The following SOX6 variants were observed in gnomAD, a reference collection of about 807,000 sequenced individuals.
SOX6 encodes SRY-box transcription factor 6.
In SOX6, 11 loss-of-function variants were observed where a neutral mutation model predicts 97.8. That is an observed-to-expected ratio of 0.11 (90% confidence interval 0.07 to 0.19). The LOEUF is 0.19. Among genes scored for constraint, SOX6 ranks in the 10% least tolerant of loss-of-function variants. SOX6 has a pLI of 1.00. For synonymous variants in SOX6, 360 were observed against 371.4 expected (o/e 0.97, Z 0.35); for missense variants, 810 against 1,039.5 (o/e 0.78, Z 3.04).
chr11:16,504,204 TCA>T (rs985387735), intron 4 of SOX6, among the ~76,000 whole-genome samples: 72 of 152,100 alleles, frequency 4.7e-4, no homozygotes, highest in Admixed American at 5.2e-4. Flanking sequence ...TGCCTACTTT[TCA>T]CCACTCCTAT....
At chr11:16,442,961 AT>A (rs1341847765) in intron 1 of SOX6, among the ~76,000 whole-genome samples, 1 of 152,060 alleles carries the variant, frequency 6.6e-6, no homozygotes, top group South Asian at 2.1e-4. Flanking sequence ...AATCACAAGA[AT>A]TTTTTTTCAG....
chr11:16,014,228 AAAAC>A (rs1434503089), intron 13 of SOX6, among the ~76,000 whole-genome samples: 21 of 152,166 alleles, frequency 1.4e-4, no homozygotes, highest in South Asian at 4.1e-4. Context: ...TTGTGCATTT[AAAAC>A]AAACAAACAA....
intron 4 of SOX6, among the ~76,000 whole-genome samples, chr11:16,190,125 A>G (rs1052008299): frequency 2.0e-5 from 3 of 152,232 alleles, no homozygotes; most frequent in Non-Finnish European, 4.4e-5. Context: ...ATAGATATAT[A>G]TAAGTATAAC....
At chr11:16,662,606 C>A (rs1847774004) in intron 3 of SOX6, among the ~76,000 whole-genome samples, 1 of 151,902 alleles carries the variant, frequency 6.6e-6, no homozygotes, top group Admixed American at 6.6e-5. Flanking sequence ...ATCAATGATA[C>A]CATATTAGCA....
chr11:16,412,442 A>AT (rs1247792705), intron 1 of SOX6, among the ~76,000 whole-genome samples: 1 of 152,202 alleles, frequency 6.6e-6, no homozygotes, highest in Non-Finnish European at 1.5e-5. Flanking sequence ...TGGGTAAGTG[A>AT]TAAAAAACCA....
intron 3 of SOX6, among the ~76,000 whole-genome samples, chr11:16,665,767 C>A (rs1587570): frequency 6.6e-6 from 1 of 152,008 alleles, no homozygotes; most frequent in African/African-American, 2.4e-5. Context: ...TAGGTTTGAC[C>A]CAGTGCAGTC....
chr11:16,033,031 C>G (rs1396930571), intron 12 of SOX6, among the ~76,000 whole-genome samples: 1 of 152,090 alleles, frequency 6.6e-6, no homozygotes, highest in African/African-American at 2.4e-5. Flanking sequence ...TGTCTGGTTC[C>G]TTTTCATGGA....
At position 16,436,798 on chromosome 11, in the gene SOX6, ACTGT is replaced by A. The variant is rs374510586; in HGVS notation, c.-5+39513_-5+39516del. 9.6e-4 allele frequency among the ~76,000 whole-genome samples: 146 copies of A among 152,296 alleles called. 1 individual carries two copies. Among genetic ancestry groups the A allele is most frequent in the African/African-American group, 3.5e-3 (144 of 41,554 alleles). The stretch of plus-strand genomic sequence containing the variant: ...TAAATGACACTTCGCTCTCATTTTA[ACTGT>A]CTGACATCTCCACATATTGCTATAT... On this transcript the variant is annotated intron_variant, in intron 1 of 15. Coordinates refer to the SOX6 transcript ENST00000396356.
chr11:16,196,298 T>G (rs1851772803), intron 4 of SOX6, among the ~76,000 whole-genome samples: 1 of 152,142 alleles, frequency 6.6e-6, no homozygotes. Flanking sequence ...TATCTGAGAT[T>G]CAAAATCAGA....
chr11:16,735,736 G>A (rs569074859), intron 2 of SOX6, among the ~76,000 whole-genome samples: 17 of 152,150 alleles, frequency 1.1e-4, no homozygotes, highest in African/African-American at 4.1e-4. Flanking sequence ...GAGGTCAATT[G>A]TAAAAATCAC....
intron 3 of SOX6, among the ~76,000 whole-genome samples, chr11:16,662,077 A>AT (rs1362069168): frequency 3.3e-5 from 5 of 152,056 alleles, no homozygotes; most frequent in South Asian, 2.1e-4. Context: ...AAAAGGTTTT[A>AT]TTTTTTTACC....
At chr11:16,171,109 C>T (rs564120207) in intron 6 of SOX6, among the ~76,000 whole-genome samples, 1 of 152,152 alleles carries the variant, frequency 6.6e-6, no homozygotes, top group East Asian at 1.9e-4. Flanking sequence ...CAAGGAGTTA[C>T]TCTAGCAAAG....
intron 7 of SOX6, among the ~76,000 whole-genome samples, chr11:16,109,368 C>T (rs1265885002): frequency 2.6e-5 from 4 of 151,888 alleles, no homozygotes; most frequent in Non-Finnish European, 5.9e-5. Flanking sequence ...GCTTTGCTAA[C>T]TTTTTAATCT....
At chr11:16,035,677 T>G (rs944730721) in intron 12 of SOX6, among the ~76,000 whole-genome samples, 1 of 152,214 alleles carries the variant, frequency 6.6e-6, no homozygotes, top group Admixed American at 6.5e-5. Flanking sequence ...ATTAATATTA[T>G]ATTTAGTGCC....
At chr11:16,136,922 T>A (rs1055044767) in intron 6 of SOX6, among the ~76,000 whole-genome samples, 1 of 152,230 alleles carries the variant, frequency 6.6e-6, no homozygotes, top group African/African-American at 2.4e-5. Context: ...CTGGTTTTAC[T>A]TTGCCTGTTG....
In SOX6 at chr11:15,980,233, G is replaced by A. The variant is rs12285937; in HGVS notation, c.2183+5971C>T. Among the ~76,000 whole-genome samples the A allele has an allele frequency of 4.6e-3, 693 of 152,098 alleles. 4 individuals are homozygous for A. The highest frequency in any genetic ancestry group is 0.016 in the African/African-American group (668 of 41,506). On this transcript the variant is annotated intron_variant, in intron 15 of 15. Coordinates refer to ENST00000683767, the MANE Select transcript of SOX6 (RefSeq NM_001367873.1). ...AACCAATCTGCAAAGTAGGAGGAAG[G>A]AAGATTATGGCTTAGTTAACAGAAA...
chr11:16,503,105 C>A (rs111490048), intron 4 of SOX6, among the ~76,000 whole-genome samples: 15 of 151,612 alleles, frequency 9.9e-5, no homozygotes, highest in South Asian at 2.1e-4. Context: ...TATACAATAC[C>A]CAGCAAAGTT....
intron 6 of SOX6, among the ~76,000 whole-genome samples, chr11:16,172,092 C>A (rs1241689933): frequency 6.6e-6 from 1 of 151,746 alleles, no homozygotes. Context: ...CTCAACACCA[C>A]CCCCACAGTT....
rs532435010 is a variant in SOX6 at position 16,033,177 on chromosome 11, G to A, written c.1623+13337C>T. On this transcript the variant is annotated intron_variant, in intron 12 of 15. Transcript: ENST00000683767. ...AAATGGTGAGCACTTCCTACCTAAC[G>A]CTCTGTGACGTCATGTGGTTGCAAA... Among the ~76,000 whole-genome samples the A allele has an allele frequency of 2.4e-3, 369 of 152,160 alleles. 2 individuals carry two copies. Among genetic ancestry groups the A allele is most frequent in the African/African-American group, 8.7e-3 (360 of 41,536 alleles).
Sources: gnomAD v4.1 joint callset for allele counts (sites outside exome capture counted in the v4.1 genomes callset) on GRCh38, gnomAD v4.1.1 for gene constraint, MANE v1.5 for transcripts, NCBI Gene and HGNC (gene_info 2026-07-23, HGNC 2026-07-21) for gene names.